Variants in EPS8L1 observed in about 807,000 individuals in gnomAD.
The protein encoded by EPS8L1 is epidermal growth factor receptor kinase substrate 8-like protein 1.
EPS8L1 carries 101 observed loss-of-function variants against 91.7 expected under a neutral mutation model. That is an observed-to-expected ratio of 1.10 (90% CI 0.94 to 1.30). EPS8L1 has a LOEUF of 1.30. Ranked by LOEUF, EPS8L1 falls within the 50% of genes most tolerant of loss-of-function variation. The pLI is 0.00. For synonymous variants in EPS8L1, 506 were observed against 445.3 expected, an observed-to-expected ratio of 1.14 and a Z score of -1.72; for missense variants, 1,114 against 1,017.0, an observed-to-expected ratio of 1.10 and a Z score of -1.30.
Position 55,081,967 on chromosome 19 carries a change from A to AGGCTCTCCCCT in EPS8L1, c.901+69_901+79dup. ...TCTTCCAAATGTCCCCGCTCTCCCC[A>AGGCTCTCCCCT]GGCTCTCCCCTCCCGCCACTTGCCA... On this transcript the variant is annotated intron_variant, in intron 9 of 19. Transcript: ENST00000201647. This position sits in a 1 kb window ranked among gnomAD's most constrained non-coding sequence, Gnocchi z 4.9. 1 of 1,561,668 alleles carries AGGCTCTCCCCT rather than the reference A, an allele frequency of 6.4e-7. No homozygotes were observed. The highest frequency in any genetic ancestry group is 8.7e-7 in the Non-Finnish European group (1 of 1,152,752).
At position 55,086,477 on chromosome 19, in the gene EPS8L1, A is replaced by C. The variant is rs546810808; in HGVS notation, c.1736A>C (p.Asp579Ala). Residue 579 changes from aspartate (D) to alanine (A), a missense_variant, in exon 17 of 20, where the codon GAC (aspartate) becomes GCC (alanine). Coordinates refer to ENST00000201647, the MANE Select transcript of EPS8L1 (RefSeq NM_133180.3). ...CCCCGCTGGGACAGGCCCCGCTGGG[A>C]CAGCTGCGATAGCCTCAACGGCTTG... Reference protein sequence around the residue: ...ARPRWDRPRWDSCDSLNGLDP... With the variant: ...ARPRWDRPRWASCDSLNGLDP... The C allele has an allele frequency of 6.4e-7, 1 of 1,551,778 alleles. No homozygotes were observed. The highest frequency in any genetic ancestry group is 2.0e-5 in the Admixed American group (1 of 51,014).
At position 55,082,509 on chromosome 19, in the gene EPS8L1, T is replaced by C; in HGVS notation, c.1121T>C (p.Leu374Pro). 1.9e-6 allele frequency: 3 copies of C among 1,612,512 alleles called. No individual in the cohort carries two copies. Among genetic ancestry groups the C allele is most frequent in the Non-Finnish European group, 2.5e-6 (3 of 1,179,772 alleles). ...EFASSVRRPHLTSDAVALLRD... is the reference protein window; with the variant it reads ...EFASSVRRPHPTSDAVALLRD... ...GCGAGCAGTGTGCGGCGGCCGCATC[T>C]GACATCGGATGCCGTGGCGCTGCTG... Residue 374 changes from leucine to proline, a missense_variant, in exon 12 of 20, where the codon CTG (leucine) becomes CCG (proline). Coordinates refer to ENST00000201647, the MANE Select transcript of EPS8L1 (RefSeq NM_133180.3).
chr19:55,087,323 T>G lies in EPS8L1; in HGVS notation c.1973T>G (p.Val658Gly). ...FSSGTVDALG[V>G]LTGAQLFSLQ... The stretch of plus-strand genomic sequence containing the variant: ...CTCAGGACCGTGGACGCGCTGGGTG[T>G]GCTGACCGGGGCGCAGCTTTTCTCG... Residue 658 changes from valine to glycine, a missense_variant, in exon 19 of 20, where the codon GTG becomes GGG. Coordinates refer to ENST00000201647, the MANE Select transcript of EPS8L1 (RefSeq NM_133180.3). 1 of 1,610,210 alleles carries G rather than the reference T, an allele frequency of 6.2e-7. No individual in the cohort carries two copies. The highest frequency in any genetic ancestry group is 8.5e-7 in the Non-Finnish European group (1 of 1,178,986).
rs573361914 is a variant in EPS8L1, at chr19:55,080,561, C to T, written c.430-211C>T. On this transcript the variant is annotated intron_variant, in intron 6 of 19. Transcript: ENST00000201647. Reference sequence around the variant, plus strand: ...GACGAGGTGGGGGCGAGGAACCACCCGGACTGGGTCTCCATGGGCGGGGTC... The same window carrying T: ...GACGAGGTGGGGGCGAGGAACCACCTGGACTGGGTCTCCATGGGCGGGGTC... The T allele has an allele frequency of 6.8e-6, 11 of 1,610,032 alleles. No homozygotes were observed. In the East Asian group the frequency reaches 2.0e-4, roughly 29 times the overall value.
In EPS8L1 at chr19:55,083,187, T is replaced by C. The variant is rs1342900187; in HGVS notation, c.1215-191T>C. Among the ~76,000 whole-genome samples the C allele has an allele frequency of 2.0e-5, 3 of 152,204 alleles. No individual in the cohort carries two copies. Among genetic ancestry groups the C allele is most frequent in the Admixed American group, 6.5e-5 (1 of 15,278 alleles). ...CTGGGATTACAGGCGTGAGCCACCG[T>C]GCCCGGTCTAGAAATATAAATTGCT... On this transcript the variant is annotated intron_variant, in intron 12 of 19. Transcript: ENST00000201647. The surrounding 1 kb of genome is among the most constrained non-coding windows in gnomAD (Gnocchi z 4.7).
chr19:55,078,456 G>A (rs1376105550), intron 3 of EPS8L1, among the ~76,000 whole-genome samples: 1 of 1,130 alleles, frequency 8.8e-4, no homozygotes, highest in Non-Finnish European at 2.8e-3. Context: ...CTGGACTCCT[G>A]GGTCAGAGGG....
chr19:55,083,926 G>A lies in EPS8L1; in HGVS notation c.1385+282G>A. The A allele has an allele frequency of 1.6e-6, 1 of 609,794 alleles. No homozygotes were observed. Among genetic ancestry groups the A allele is most frequent in the Non-Finnish European group, 2.9e-6 (1 of 343,830 alleles). The allele number at this position is 609,794 out of a possible 1,614,324, so 37.8% of individuals were successfully genotyped here. ...GGGGCTGGGAGTGGGTAAAGTCTGA[G>A]AGGTTGGATCCCTGGATCCCCAAAA... On this transcript the variant is annotated intron_variant, in intron 14 of 19. Transcript: ENST00000201647. The surrounding 1 kb of genome is among the most constrained non-coding windows in gnomAD (Gnocchi z 4.7).
chr19:55,078,075 T>C lies in EPS8L1; in HGVS notation c.18-13T>C. ...AGTCCCACAGTCTCTCTCATTCCTC[T>C]TTTCTTCACCAGCCCAGAAGCTGCC... On this transcript the variant is annotated splice_polypyrimidine_tract_variant and intron_variant, in intron 2 of 19. Transcript: ENST00000201647. The C allele has an allele frequency of 6.2e-7, 1 of 1,613,682 alleles. No individual in the cohort carries two copies. The highest frequency in any genetic ancestry group is 2.2e-5 in the East Asian group (1 of 44,836).
At chr19:55,078,875 A>T in intron 3 of EPS8L1, 124 bp from the exon 4 acceptor site, 2 of 544,846 alleles carry the variant, frequency 3.7e-6, no homozygotes, top group South Asian at 3.7e-5. Flanking sequence ...GTCAGAGGGA[A>T]GAGGGGCTGG....
At position 55,086,097 on chromosome 19, in the gene EPS8L1, G is replaced by A; in HGVS notation, c.1555G>A (p.Asp519Asn). ...DDSRKWWKVR[D>N]PAGQEGYVPY... is the part of the protein sequence containing the mutation. ...CAGTCGTAAGTGGTGGAAGGTTCGG[G>A]ACCCAGCGGGGCAGGAGGGATATGT... Residue 519 changes from aspartate to asparagine, a missense_variant, in exon 16 of 20, where the codon GAC becomes AAC. By Grantham distance (23) the Asp-to-Asn change is conservative. Coordinates refer to ENST00000201647, the MANE Select transcript of EPS8L1 (RefSeq NM_133180.3). The A allele has an allele frequency of 6.2e-7, 1 of 1,602,912 alleles. No homozygotes were observed. The highest frequency in any genetic ancestry group is 8.5e-7 in the Non-Finnish European group (1 of 1,173,106).
At position 55,076,430 on chromosome 19, in the gene EPS8L1, C is replaced by G; in HGVS notation, c.-15C>G. 6.2e-7 allele frequency: 1 copy of G among 1,612,026 alleles called. No homozygotes were observed. Among genetic ancestry groups the G allele is most frequent in the Non-Finnish European group, 8.5e-7 (1 of 1,179,154 alleles). On this transcript the variant is annotated 5_prime_UTR_variant, in exon 2 of 20. Transcript: ENST00000201647. ...CAGGGCACCTCCAGGTGGGCAGGAGCTACCACTCAGCACCATGAGCACCGC... is the reference window on the plus strand; with the variant it reads ...CAGGGCACCTCCAGGTGGGCAGGAGGTACCACTCAGCACCATGAGCACCGC...
chr19:55,079,725 C>T lies in EPS8L1; in HGVS notation c.153C>T (p.Gly51=), dbSNP rs763321805. The T allele has an allele frequency of 5.6e-6, 9 of 1,614,026 alleles. No individual in the cohort carries two copies. Among genetic ancestry groups the T allele is most frequent in the African/African-American group, 2.7e-5 (2 of 74,942 alleles). The part of the protein sequence containing the change: ...LVTFCLGEDD[G]VHTVEDASRK... Reference sequence around the variant, plus strand: ...CGTTCTGCCTGGGTGAGGACGATGGCGTGCATACCGTGGAGGATGCCTCCA... The same window carrying T: ...CGTTCTGCCTGGGTGAGGACGATGGTGTGCATACCGTGGAGGATGCCTCCA... Residue 51 remains glycine (G), a synonymous_variant, in exon 5 of 20, where the codon GGC becomes GGT. Transcript: ENST00000201647.
Position 55,081,382 on chromosome 19 carries a change from G to GA in EPS8L1, c.665dup (p.Ala223GlyfsTer5). The GA allele has an allele frequency of 6.3e-7, 1 of 1,579,936 alleles. No homozygotes were observed. Among genetic ancestry groups the GA allele is most frequent in the African/African-American group, 1.3e-5 (1 of 74,464 alleles). ...GGCGAAGCCCATTCCCGAGGCAGAG[G>GA]AGGCGCAGAGGCCTGAGCCGGTGGG... is the stretch of plus-strand genomic sequence containing the variant. On this transcript the variant is annotated frameshift_variant, in exon 8 of 20. Transcript: ENST00000201647. LOFTEE classifies it high-confidence loss of function. The surrounding 1 kb of genome is among the most constrained non-coding windows in gnomAD (Gnocchi z 4.9).
rs371817359 is a variant in EPS8L1 at position 55,079,074 on chromosome 19, T to C, written c.117+17T>C. ...CCAGTCAATGTGAGTCTGGGGTCTG[T>C]GTTCCCCCAGGACATCTTCTGGGGC... On this transcript the variant is annotated intron_variant, in intron 4 of 19. Transcript: ENST00000201647. 10 of 1,613,722 alleles carry C rather than the reference T, an allele frequency of 6.2e-6. No homozygotes were observed. The African/African-American group carries it at 1.3e-4, about 22-fold the overall frequency.
Position 55,087,718 on chromosome 19 carries a change from T to G in EPS8L1, c.*104T>G. 8.3e-7 allele frequency: 1 copy of G among 1,202,274 alleles called. No homozygotes were observed. The highest frequency in any genetic ancestry group is 1.3e-5 in the South Asian group (1 of 76,448). 74.5% of individuals were successfully genotyped at this position (1,202,274 alleles called of 1,614,324 possible). ...TCGATCTTCTGAAGGATGGCCAATC[T>G]GCTCCGGCCCTGGTCTTCCCCCATC... On this transcript the variant is annotated 3_prime_UTR_variant, in exon 20 of 20. Coordinates refer to ENST00000201647, the MANE Select transcript of EPS8L1 (RefSeq NM_133180.3).
Position 55,081,517 on chromosome 19 carries a change from G to A in EPS8L1, c.774+25G>A. 1 of 1,540,866 alleles carries A rather than the reference G, an allele frequency of 6.5e-7. No individual in the cohort carries two copies. The highest frequency in any genetic ancestry group is 8.7e-7 in the Non-Finnish European group (1 of 1,146,076). On this transcript the variant is annotated intron_variant, in intron 8 of 19. Coordinates refer to ENST00000201647, the MANE Select transcript of EPS8L1 (RefSeq NM_133180.3). This position sits in a 1 kb window ranked among gnomAD's most constrained non-coding sequence, Gnocchi z 4.9. ...GGTGAGCCGCTAAGGAAGGGGTCTGGGGGCAGGGCCAGGCGACTGGAGGCG... is the reference window on the plus strand; with the variant it reads ...GGTGAGCCGCTAAGGAAGGGGTCTGAGGGCAGGGCCAGGCGACTGGAGGCG...
chr19:55,085,622 G>C, intron 14 of EPS8L1: 1 of 478,478 alleles, frequency 2.1e-6, no homozygotes, highest in Non-Finnish European at 3.7e-6. Flanking sequence ...TCGATGGTGG[G>C]ATAGTACCCA....
rs1231146600 is a variant in EPS8L1 at position 55,083,556 on chromosome 19, G to A, written c.1356+37G>A. 1 of 1,599,954 alleles carries A rather than the reference G, an allele frequency of 6.3e-7. No individual in the cohort carries two copies. Among genetic ancestry groups the A allele is most frequent in the Non-Finnish European group, 8.5e-7 (1 of 1,173,298 alleles). ...GACACAGCAGGGCCGAGGCTGGGAA[G>A]TCCGGGGGCGCGGCCGGTCCGCCTG... On this transcript the variant is annotated intron_variant, in intron 13 of 19. Transcript: ENST00000201647. The surrounding 1 kb of genome is among the most constrained non-coding windows in gnomAD (Gnocchi z 4.7).
rs2075061266 is a variant in EPS8L1 at position 55,079,955 on chromosome 19, G to A, written c.279+104G>A. On this transcript the variant is annotated intron_variant, in intron 5 of 19. Transcript: ENST00000201647. ...ACGTCCTTCCTCTGGGAACTCTGGC[G>A]AGGGACCCCAGCCCCCTTCTTGAGC... 7 of 1,460,052 alleles carry A rather than the reference G, an allele frequency of 4.8e-6. No individual in the cohort carries two copies. In the East Asian group the frequency reaches 1.7e-4, roughly 36 times the overall value. The allele number at this position is 1,460,052 out of a possible 1,614,324, so 90.4% of individuals were successfully genotyped here.
Sources: allele counts gnomAD v4.1 joint callset (sites outside exome capture counted in the v4.1 genomes callset), GRCh38; gene constraint gnomAD v4.1.1; non-coding constraint Gnocchi (gnomAD v3.1); transcripts MANE v1.5; gene names NCBI Gene and HGNC (gene_info 2026-07-23, HGNC 2026-07-21).